The following SPOCK3 variants were observed in gnomAD, a reference collection of about 807,000 sequenced individuals.
The protein encoded by SPOCK3 is SPARC (osteonectin), cwcv and kazal like domains proteoglycan 3, also known as testican-3.
A neutral mutation model predicts 56.6 loss-of-function variants in SPOCK3; 30 were observed. That is an observed-to-expected ratio of 0.53 (90% CI 0.40 to 0.72). The LOEUF is 0.72. SPOCK3 is among the 30% of genes least tolerant of loss of function. The pLI, the probability that SPOCK3 is intolerant of heterozygous loss-of-function variation, is 0.00. For synonymous variants in SPOCK3, 196 were observed against 183.3 expected (o/e 1.07, Z -0.56); for missense variants, 527 against 530.0 (o/e 0.99, Z 0.06).
At chr4:167,116,808 CAT>C (rs1429092853) in intron 2 of SPOCK3, among the ~76,000 whole-genome samples, 5 of 134,688 alleles carry the variant, frequency 3.7e-5, no homozygotes, top group South Asian at 2.3e-4. Context: ...CATAAATACA[CAT>C]ATAGATGTAT....
chr4:166,817,401 A>G (rs1447392741), intron 6 of SPOCK3, among the ~76,000 whole-genome samples: 2 of 152,024 alleles, frequency 1.3e-5, no homozygotes, highest in Non-Finnish European at 2.9e-5. Flanking sequence ...ATCCTTGAAA[A>G]GGCATTTCAG....
chr4:167,111,121 G>A (rs1241199644), intron 2 of SPOCK3, among the ~76,000 whole-genome samples: 1 of 151,706 alleles, frequency 6.6e-6, no homozygotes, highest in African/African-American at 2.4e-5. Context: ...TTCAAATGTG[G>A]ATGTATAGAC....
At chr4:167,056,353 A>G (rs1295828793) in intron 3 of SPOCK3, among the ~76,000 whole-genome samples, 2 of 152,154 alleles carry the variant, frequency 1.3e-5, no homozygotes, top group Non-Finnish European at 2.9e-5. Flanking sequence ...GAGCAGAAAA[A>G]CTGGAAACAC....
Position 167,124,606 on chromosome 4 carries a change from C to T in SPOCK3, c.190-62069G>A, listed in dbSNP as rs576205189. On this transcript the variant is annotated intron_variant, in intron 2 of 10. Transcript: ENST00000357545. ...GCGTAACCCATTTACCATCGTCTCTCATCTAAATGATGCAACAGCTTTCTA... is the reference window on the plus strand; with the variant it reads ...GCGTAACCCATTTACCATCGTCTCTTATCTAAATGATGCAACAGCTTTCTA... 6.9e-4 allele frequency among the ~76,000 whole-genome samples: 105 copies of T among 152,278 alleles called. 3 individuals are homozygous for T. In the South Asian group the frequency reaches 0.021, roughly 31 times the overall value.
At chr4:166,920,125 C>A (rs1738327176) in intron 4 of SPOCK3, among the ~76,000 whole-genome samples, 1 of 152,054 alleles carries the variant, frequency 6.6e-6, no homozygotes, top group African/African-American at 2.4e-5. Flanking sequence ...CCAGGGTTAT[C>A]CTTTCCACTG....
chr4:166,832,853 G>T (rs1351287869), intron 6 of SPOCK3, among the ~76,000 whole-genome samples: 1 of 152,102 alleles, frequency 6.6e-6, no homozygotes, highest in African/African-American at 2.4e-5. Flanking sequence ...GTAAATACTG[G>T]GTAAGCATGG....
chr4:166,941,125 G>T (rs1741010193), intron 4 of SPOCK3, among the ~76,000 whole-genome samples: 1 of 152,078 alleles, frequency 6.6e-6, no homozygotes, highest in Non-Finnish European at 1.5e-5. Context: ...TTTGGTCACA[G>T]TTAAAACAGA....
At chr4:167,095,471 T>A (rs1198587106) in intron 2 of SPOCK3, among the ~76,000 whole-genome samples, 1 of 151,838 alleles carries the variant, frequency 6.6e-6, no homozygotes, top group Non-Finnish European at 1.5e-5. Flanking sequence ...AGAAACAAAT[T>A]ACAAAAATTA....
At chr4:167,175,034 C>A (rs147449306) in intron 2 of SPOCK3, among the ~76,000 whole-genome samples, 1 of 152,136 alleles carries the variant, frequency 6.6e-6, no homozygotes, top group Non-Finnish European at 1.5e-5. Context: ...CTATGTTAGA[C>A]AAGCTATTTT....
intron 5 of SPOCK3, among the ~76,000 whole-genome samples, chr4:166,894,162 C>T (rs1222613228): frequency 2.0e-5 from 3 of 152,122 alleles, no homozygotes; most frequent in Non-Finnish European, 2.9e-5. Flanking sequence ...CGGAATAACA[C>T]CCTGCTTCAT....
chr4:166,936,742 C>T lies in SPOCK3; in HGVS notation c.351-23999G>A, dbSNP rs192170632. On this transcript the variant is annotated intron_variant, in intron 4 of 10. Transcript: ENST00000357545. Reference sequence around the variant, plus strand: ...TACATTTCTTATTTCCTTATTTCTACTTTTAGTTTTAATGACTGATTCTTA... The same window carrying T: ...TACATTTCTTATTTCCTTATTTCTATTTTTAGTTTTAATGACTGATTCTTA... Among the ~76,000 whole-genome samples the T allele has an allele frequency of 2.8e-4, 43 of 152,034 alleles. No individual in the cohort carries two copies. In the East Asian group the frequency reaches 8.1e-3, roughly 29 times the overall value.
Position 167,082,740 on chromosome 4 carries a change from CAGGAAGGA to C in SPOCK3, c.190-20211_190-20204del, listed in dbSNP as rs200120313. Reference sequence around the variant, plus strand: ...ACTGCCATGTTGGAGGTTTTTCTTCCAGGAAGGAAGGAAGGAAGGGAGGGAGGGAGGGA... The same window carrying C: ...ACTGCCATGTTGGAGGTTTTTCTTCCAGGAAGGAAGGGAGGGAGGGAGGGA... On this transcript the variant is annotated intron_variant, in intron 2 of 10. Coordinates refer to ENST00000357545, the MANE Select transcript of SPOCK3 (RefSeq NM_001040159.2). Among the ~76,000 whole-genome samples the C allele has an allele frequency of 1.3e-4, 14 of 110,944 alleles. No homozygotes were observed. The East Asian group carries it at 4.0e-3, about 32-fold the overall frequency. 72.8% of individuals were successfully genotyped at this position (110,944 alleles called of 152,430 possible). A position where few individuals can be genotyped will look rare whatever the true frequency, so the allele number is the denominator to read the frequency against.
intron 6 of SPOCK3, among the ~76,000 whole-genome samples, chr4:166,831,035 T>A (rs759307462): frequency 1.3e-5 from 2 of 152,128 alleles, no homozygotes; most frequent in Non-Finnish European, 2.9e-5. Flanking sequence ...TTAGAATCAA[T>A]TTTTCAACTT....
In SPOCK3 at chr4:166,988,363, A is replaced by T. The variant is rs569653161; in HGVS notation, c.350+11986T>A. ...CTTTTCTCTGTGAACAAAATGCTGAATTTGCCCACTGAGAACAGAAGGGAA... is the reference window on the plus strand; with the variant it reads ...CTTTTCTCTGTGAACAAAATGCTGATTTTGCCCACTGAGAACAGAAGGGAA... On this transcript the variant is annotated intron_variant, in intron 4 of 10. Transcript: ENST00000357545. Among the ~76,000 whole-genome samples the T allele has an allele frequency of 4.6e-5, 7 of 152,222 alleles. No homozygotes were observed. The East Asian group carries it at 1.3e-3, about 29-fold the overall frequency.
intron 6 of SPOCK3, among the ~76,000 whole-genome samples, chr4:166,827,544 G>T (rs1745602738): frequency 6.6e-6 from 1 of 152,090 alleles, no homozygotes; most frequent in South Asian, 2.1e-4. Flanking sequence ...ACACAGAGCT[G>T]CCCTCAGTTA....
chr4:166,966,731 A>G (rs1277616896), intron 4 of SPOCK3, among the ~76,000 whole-genome samples: 2 of 152,140 alleles, frequency 1.3e-5, no homozygotes, highest in Non-Finnish European at 1.5e-5. Flanking sequence ...AACATAGTGG[A>G]AAAAATGCAA....
chr4:167,084,803 T>C (rs1758038892), intron 2 of SPOCK3, among the ~76,000 whole-genome samples: 9 of 152,048 alleles, frequency 5.9e-5, no homozygotes. Context: ...ATTTTTAAGT[T>C]TCACATTAAA....
At chr4:167,120,102 G>T (rs1031462850) in intron 2 of SPOCK3, among the ~76,000 whole-genome samples, 4 of 152,130 alleles carry the variant, frequency 2.6e-5, no homozygotes, top group African/African-American at 9.6e-5. Context: ...TATATTAAAT[G>T]CAAGTTTCAA....
intron 3 of SPOCK3, among the ~76,000 whole-genome samples, chr4:167,052,438 G>A (rs1754324534): frequency 6.6e-6 from 1 of 152,164 alleles, no homozygotes; most frequent in South Asian, 2.1e-4. Flanking sequence ...ATTATTAGAA[G>A]TTGAATGTCT....
Sources: gnomAD v4.1 joint callset for allele counts (sites outside exome capture counted in the v4.1 genomes callset) on GRCh38, gnomAD v4.1.1 for gene constraint, MANE v1.5 for transcripts, NCBI Gene and HGNC (gene_info 2026-07-23, HGNC 2026-07-21) for gene names.